The following AK5 variants were observed in gnomAD, a reference collection of about 807,000 sequenced individuals.
AK5 encodes adenylate kinase isoenzyme 5.
AK5 carries 27 observed loss-of-function variants against 69.5 expected under a neutral mutation model. The ratio of observed to expected loss-of-function variants is 0.39; its 90% CI spans 0.29 to 0.54. AK5 has a LOEUF of 0.54. AK5 is among the 20% of genes least tolerant of loss of function. AK5 has a pLI of 0.71. For missense variants in AK5, 531 were observed against 700.4 expected (o/e 0.76, Z 2.73); for synonymous variants, 260 against 244.4 (o/e 1.06, Z -0.60).
chr1:77,447,760 C>T (rs1273588563), intron 8 of AK5, among the ~76,000 whole-genome samples: 1 of 152,144 alleles, frequency 6.6e-6, no homozygotes, highest in African/African-American at 2.4e-5. Flanking sequence ...GTCTTGGAGC[C>T]TTAAAAGACA....
At chr1:77,517,868 G>GACA (rs1220765840) in intron 10 of AK5, among the ~76,000 whole-genome samples, 1 of 152,168 alleles carries the variant, frequency 6.6e-6, no homozygotes, top group Non-Finnish European at 1.5e-5. Context: ...GACTTCAGAG[G>GACA]ACATTATTGA....
intron 13 of AK5, among the ~76,000 whole-genome samples, chr1:77,538,795 C>T (rs1178515131): frequency 1.3e-5 from 2 of 152,116 alleles, no homozygotes; most frequent in Admixed American, 6.5e-5. Context: ...TTATTCCAAC[C>T]TGAATTCTAC....
intron 6 of AK5, among the ~76,000 whole-genome samples, chr1:77,386,984 G>A (rs538969147): frequency 1.3e-5 from 2 of 152,068 alleles, no homozygotes; most frequent in South Asian, 2.1e-4. Flanking sequence ...TCAAGATAAC[G>A]ACCTCCAGTT....
At chr1:77,505,790 G>A (rs1656992481) in intron 10 of AK5, among the ~76,000 whole-genome samples, 2 of 151,996 alleles carry the variant, frequency 1.3e-5, no homozygotes, top group African/African-American at 4.8e-5. Flanking sequence ...CAGCTACTCA[G>A]GAGGCTGAGG....
chr1:77,528,396 T>A (rs1049970256), intron 12 of AK5, among the ~76,000 whole-genome samples: 1 of 152,122 alleles, frequency 6.6e-6, no homozygotes. Flanking sequence ...ATGCGTCCGA[T>A]GCATTGGACC....
intron 6 of AK5, among the ~76,000 whole-genome samples, chr1:77,406,439 T>C (rs1448700083): frequency 1.3e-5 from 2 of 151,926 alleles, no homozygotes; most frequent in African/African-American, 4.8e-5. Flanking sequence ...GTATCAGAGA[T>C]GAGAGAGATA....
chr1:77,304,842 G>A (rs1659549655), intron 5 of AK5, among the ~76,000 whole-genome samples: 1 of 152,110 alleles, frequency 6.6e-6, no homozygotes, highest in Non-Finnish European at 1.5e-5. Flanking sequence ...CCTTTCTTTT[G>A]GCTATATACC....
At chr1:77,504,589 C>T (rs892242118) in intron 10 of AK5, among the ~76,000 whole-genome samples, 5 of 151,960 alleles carry the variant, frequency 3.3e-5, no homozygotes, top group African/African-American at 1.2e-4. Flanking sequence ...GTAATTCAAC[C>T]GAAATACAAA....
chr1:77,470,641 A>G (rs1479478350), intron 8 of AK5, among the ~76,000 whole-genome samples: 2 of 151,894 alleles, frequency 1.3e-5, no homozygotes, highest in African/African-American at 4.8e-5. Context: ...TGTAGAATCA[A>G]TATTCATAGG....
At position 77,391,521 on chromosome 1, in the gene AK5, A is replaced by G. The variant is rs983002528; in HGVS notation, c.892-19460A>G. Among the ~76,000 whole-genome samples the G allele has an allele frequency of 1.5e-5, 2 of 132,474 alleles. 1 individual carries two copies. The highest frequency in any genetic ancestry group is 5.5e-5 in the African/African-American group (2 of 36,090). 86.9% of individuals were successfully genotyped at this position (132,474 alleles called of 152,430 possible). On this transcript the variant is annotated intron_variant, in intron 6 of 13. Coordinates refer to ENST00000354567, the MANE Select transcript of AK5 (RefSeq NM_174858.3). ...TATATATATATATATATATATATATATATATATCTCCTCAGGCTGTTGTTG... is the reference window on the plus strand; with the variant it reads ...TATATATATATATATATATATATATGTATATATCTCCTCAGGCTGTTGTTG...
At chr1:77,506,984 T>C (rs1657067522) in intron 10 of AK5, among the ~76,000 whole-genome samples, 1 of 151,150 alleles carries the variant, frequency 6.6e-6, no homozygotes, top group Admixed American at 6.6e-5. Context: ...GGGTAAGAGG[T>C]TGAGACTCAG....
At chr1:77,550,358 G>A (rs1280168003) in intron 13 of AK5, among the ~76,000 whole-genome samples, 2 of 152,158 alleles carry the variant, frequency 1.3e-5, no homozygotes, top group Non-Finnish European at 2.9e-5. Context: ...ATCTTTCGGA[G>A]AAAGGTCACG....
intron 8 of AK5, among the ~76,000 whole-genome samples, chr1:77,461,321 C>T (rs538490039): frequency 1.7e-4 from 26 of 151,852 alleles, no homozygotes; most frequent in African/African-American, 5.8e-4. Flanking sequence ...GCGTGAGCCA[C>T]CGCACCCGGC....
intron 5 of AK5, among the ~76,000 whole-genome samples, chr1:77,301,247 C>CT (rs1659327580): frequency 1.3e-5 from 2 of 152,314 alleles, no homozygotes; most frequent in South Asian, 2.1e-4. Context: ...TCCTAGGACA[C>CT]TGTCACTGGC....
intron 13 of AK5, among the ~76,000 whole-genome samples, chr1:77,551,952 G>A (rs1659844353): frequency 1.3e-5 from 2 of 152,140 alleles, no homozygotes; most frequent in South Asian, 4.2e-4. Flanking sequence ...GCTGGATGTT[G>A]ACAAAGGTTC....
intron 8 of AK5, among the ~76,000 whole-genome samples, chr1:77,445,824 A>T (rs1198802795): frequency 6.6e-6 from 1 of 152,130 alleles, no homozygotes; most frequent in Non-Finnish European, 1.5e-5. Flanking sequence ...ACCTCAAGTG[A>T]TCCACCTTCC....
At chr1:77,295,080 T>G (rs1157690791) in intron 3 of AK5, among the ~76,000 whole-genome samples, 3 of 152,192 alleles carry the variant, frequency 2.0e-5, no homozygotes, top group Admixed American at 1.3e-4. Flanking sequence ...ATAACAATCA[T>G]GAAGAGACCT....
At chr1:77,413,972 T>C (rs1341912889) in intron 7 of AK5, among the ~76,000 whole-genome samples, 2 of 152,206 alleles carry the variant, frequency 1.3e-5, no homozygotes, top group Non-Finnish European at 2.9e-5. Flanking sequence ...GTGCTCTTCC[T>C]ACACATTGTA....
intron 2 of AK5, among the ~76,000 whole-genome samples, chr1:77,288,365 A>G (rs1479099491): frequency 6.6e-6 from 1 of 152,190 alleles, no homozygotes; most frequent in Non-Finnish European, 1.5e-5. Flanking sequence ...AAATCATTAT[A>G]TTTTCAAAAC....
Sources: gnomAD v4.1 joint callset for allele counts (sites outside exome capture counted in the v4.1 genomes callset) on GRCh38, gnomAD v4.1.1 for gene constraint, MANE v1.5 for transcripts, NCBI Gene and HGNC (gene_info 2026-07-23, HGNC 2026-07-21) for gene names.